CAPN15: variants seen among roughly 807,000 people sequenced by gnomAD.
CAPN15 encodes the protein calpain-15.
A neutral mutation model predicts 97.9 loss-of-function variants in CAPN15; 53 were observed. That is an observed-to-expected ratio of 0.54 (90% CI 0.43 to 0.68). CAPN15 has a LOEUF of 0.68. Among genes scored for constraint, CAPN15 ranks in the 30% least tolerant of loss-of-function variants. The pLI, the probability that CAPN15 is intolerant of heterozygous loss-of-function variation, is 0.00. For missense variants in CAPN15, 1,592 were observed against 1,589.8 expected, an observed-to-expected ratio of 1.00 and a Z score of -0.02; for synonymous variants, 922 against 722.5, an observed-to-expected ratio of 1.28 and a Z score of -4.43.
chr16:548,174 CG>C lies in CAPN15; in HGVS notation c.1342del (p.Ala448ProfsTer4), dbSNP rs1555446059. The C allele has an allele frequency of 3.9e-6, 6 of 1,529,070 alleles. No individual in the cohort carries two copies. The highest frequency in any genetic ancestry group is 1.4e-5 in the African/African-American group (1 of 71,194). The allele number at this position is 1,529,070 out of a possible 1,614,324, so 94.7% of individuals were successfully genotyped here. ...HTPQLLVAQR[R>X]GAAPLRRRES... is the part of the protein sequence containing the mutation. ...GCCTCAGCTCCTGGTGGCCCAGCGG[CG>C]GGGGGCCGCGCCCCTGAGGCGCAGG... On this transcript the variant is annotated frameshift_variant, in exon 4 of 14. Transcript: ENST00000219611. LOFTEE classifies it high-confidence loss of function.
At position 527,747 on chromosome 16, in the gene CAPN15, C is replaced by T. The variant is rs2032948329; in HGVS notation, c.-472C>T. ...CGCGCGATTCACAGCGCCGCGTGCG[C>T]CCCGGGCGCGCCGTAGCCGCGGGGC... On this transcript the variant is annotated 5_prime_UTR_variant, in exon 1 of 14. Coordinates refer to ENST00000219611, the MANE Select transcript of CAPN15 (RefSeq NM_005632.3). The T allele has an allele frequency of 6.7e-6, 1 of 150,304 alleles. No individual in the cohort carries two copies. The highest frequency in any genetic ancestry group is 2.4e-5 in the African/African-American group (1 of 41,194). 9.3% of individuals were successfully genotyped at this position (150,304 alleles called of 1,614,324 possible).
chr16:548,239 G>A lies in CAPN15; in HGVS notation c.1401G>A (p.Glu467=), dbSNP rs1055724513. Residue 467 remains glutamate, a synonymous_variant, in exon 4 of 14, where the codon GAG becomes GAA. Transcript: ENST00000219611. Reference sequence around the variant, plus strand: ...TGGAGCAGCGGCGGCAGACAGACGAGGGCGAGGCCAAGGCACTCTGGGAGA... The same window carrying A: ...TGGAGCAGCGGCGGCAGACAGACGAAGGCGAGGCCAAGGCACTCTGGGAGA... ...MHVEQRRQTD[E]GEAKALWENI... The A allele has an allele frequency of 6.4e-7, 1 of 1,551,308 alleles. No homozygotes were observed. Among genetic ancestry groups the A allele is most frequent in the Non-Finnish European group, 8.7e-7 (1 of 1,150,128 alleles).
chr16:529,952 T>C (rs189745205), intron 1 of CAPN15, among the ~76,000 whole-genome samples: 167 of 152,202 alleles, frequency 1.1e-3, no homozygotes, highest in Non-Finnish European at 7.5e-4. Flanking sequence ...TCTCCTGTTT[T>C]CCTGCTCTGT....
In CAPN15 at chr16:549,486, A is replaced by G. The variant is rs2034837441; in HGVS notation, c.1842+15A>G. 6.7e-7 allele frequency: 1 copy of G among 1,482,902 alleles called. No individual in the cohort carries two copies. 91.9% of individuals were successfully genotyped at this position (1,482,902 alleles called of 1,614,324 possible). On this transcript the variant is annotated intron_variant, in intron 6 of 13. Transcript: ENST00000219611. ...TCTTCTCACAGGTGGGGCGGCCTGC[A>G]GGGTGGGCACGGGCGGCAGGGGCAG...
At chr16:540,430 A>C in intron 3 of CAPN15, 2 of 851,936 alleles carry the variant, frequency 2.3e-6, no homozygotes, top group Non-Finnish European at 2.8e-6. Flanking sequence ...CCTCGTTCTC[A>C]GGGTGCCCCC....
In CAPN15 at chr16:554,371, C is replaced by G. The variant is rs2035304875; in HGVS notation, c.*855C>G. On this transcript the variant is annotated 3_prime_UTR_variant, in exon 14 of 14. Transcript: ENST00000219611. ...TGCGTGCCCTCCTGGCCCCTCACTC[C>G]CGGCAGCGGGCCGGCCTCGCCCCCA... is the stretch of plus-strand genomic sequence containing the variant. 1 of 391,416 alleles carries G rather than the reference C, an allele frequency of 2.6e-6. No individual in the cohort carries two copies. Among genetic ancestry groups the G allele is most frequent in the Non-Finnish European group, 5.1e-6 (1 of 196,904 alleles). The allele number at this position is 391,416 out of a possible 1,614,324, so 24.2% of individuals were successfully genotyped here.
intron 5 of CAPN15, 28 bp downstream of exon 5, chr16:549,229 G>A: frequency 6.5e-7 from 1 of 1,532,066 alleles, no homozygotes; most frequent in Admixed American, 2.0e-5. Context: ...GCCGGGGTGG[G>A]GCGGGTGGGC....
At chr16:536,967 C>A (rs2033778970) in intron 3 of CAPN15, 2 of 224,608 alleles carry the variant, frequency 8.9e-6, no homozygotes, top group Non-Finnish European at 1.5e-5. Context: ...CAGGGCAGGG[C>A]CCCCGGCACC....
rs1567161115 is a variant in CAPN15, at chr16:552,469, T to C, written c.2676T>C (p.Ala892=). The C allele has an allele frequency of 6.2e-7, 1 of 1,609,236 alleles. No homozygotes were observed. The highest frequency in any genetic ancestry group is 1.7e-5 in the Admixed American group (1 of 59,970). Reference sequence around the variant, plus strand: ...TCATGCTGGAGCCTGGCGAGTACGCTGTGGTGTGCTGCGCCTTCAACCACT... The same window carrying C: ...TCATGCTGGAGCCTGGCGAGTACGCCGTGGTGTGCTGCGCCTTCAACCACT... ...CDVMLEPGEY[A]VVCCAFNHWG... is the part of the protein sequence containing the mutation. Residue 892 remains alanine (A), a synonymous_variant, in exon 11 of 14, where the codon GCT becomes GCC. Transcript: ENST00000219611. This position sits in a 1 kb window ranked among gnomAD's most constrained non-coding sequence, Gnocchi z 6.4.
rs747814239 is a variant in CAPN15 at position 551,487 on chromosome 16, A to C, written c.2193-25A>C. 11 of 1,603,498 alleles carry C rather than the reference A, an allele frequency of 6.9e-6. No individual in the cohort carries two copies. In the Admixed American group the frequency reaches 1.7e-4, roughly 24 times the overall value. ...CGGTGAGACTCGGGCAGTGTGGTTC[A>C]GATCCTCACCCCTGTGGTCTGCAGG... On this transcript the variant is annotated intron_variant, in intron 8 of 13. Transcript: ENST00000219611.
At chr16:536,664 T>G (rs969192654) in intron 3 of CAPN15, among the ~76,000 whole-genome samples, 1 of 152,146 alleles carries the variant, frequency 6.6e-6, no homozygotes, top group Non-Finnish European at 1.5e-5. Context: ...GACCTCGTGA[T>G]CCACCCACCT....
In CAPN15 at chr16:547,397, G is replaced by C; in HGVS notation, c.559G>C (p.Val187Leu). The change falls in exon 4 of 14, where the codon GTG becomes CTG. Residue 187 changes from valine to leucine, a missense_variant. This residue lies in a region of CAPN15 where 883 missense variants were observed against 776.6 expected (regional missense o/e 1.14). Coordinates refer to ENST00000219611, the MANE Select transcript of CAPN15 (RefSeq NM_005632.3). ...IPPEALVVPEVVAPAGFHVVP... is the reference protein window; with the variant it reads ...IPPEALVVPELVAPAGFHVVP... ...TCCTGAGGCCCTGGTGGTCCCGGAA[G>C]TGGTGGCCCCGGCCGGCTTCCACGT... 2 of 1,564,624 alleles carry C rather than the reference G, an allele frequency of 1.3e-6. No homozygotes were observed. The highest frequency in any genetic ancestry group is 8.6e-7 in the Non-Finnish European group (1 of 1,162,634).
chr16:551,576 C>T lies in CAPN15; in HGVS notation c.2257C>T (p.Pro753Ser), dbSNP rs2142073626. The T allele has an allele frequency of 1.2e-6, 2 of 1,611,144 alleles. No homozygotes were observed. Among genetic ancestry groups the T allele is most frequent in the South Asian group, 1.1e-5 (1 of 91,078 alleles). Residue 753 changes from proline to serine, a missense_variant, in exon 9 of 14, where the codon CCA becomes TCA. Coordinates refer to ENST00000219611, the MANE Select transcript of CAPN15 (RefSeq NM_005632.3). ...SWNGSWSDEW[P>S]HWPGHLRGEL... is the part of the protein sequence containing the mutation. ...GAACGGCAGCTGGTCCGACGAGTGG[C>T]CACACTGGCCGGGGCACCTGCGTGG...
chr16:541,637 G>A (rs944970182), intron 3 of CAPN15, among the ~76,000 whole-genome samples: 6 of 152,254 alleles, frequency 3.9e-5, no homozygotes, highest in African/African-American at 1.4e-4. Context: ...CCTGTTAAAA[G>A]AGTGCAGTTT....
intron 7 of CAPN15, among the ~76,000 whole-genome samples, chr16:550,090 G>A (rs1021545595): frequency 1.3e-4 from 17 of 131,648 alleles, no homozygotes; most frequent in African/African-American, 4.5e-4. Flanking sequence ...CCGTCACCCC[G>A]GAGCAGGTGT....
Position 549,751 on chromosome 16 carries a change from C to T in CAPN15, c.1979C>T (p.Ala660Val), listed in dbSNP as rs1439483075. 18 of 1,588,826 alleles carry T rather than the reference C, an allele frequency of 1.1e-5. No homozygotes were observed. Among genetic ancestry groups the T allele is most frequent in the East Asian group, 2.3e-5 (1 of 43,142 alleles). The change falls in exon 7 of 14, where the codon GCG (alanine) becomes GTG (valine). Residue 660 changes from alanine (A) to valine (V), a missense_variant. By Grantham distance (64) the Ala-to-Val change is moderately conservative. Transcript: ENST00000219611. ...ACCGGCGCCCCCTGTGAGAGCCTGG[C>T]GCTGCAGCTCAGCTCCACTAACCCC... ...TLTGAPCESLALQLSSTNPRE... is the reference protein window; with the variant it reads ...TLTGAPCESLVLQLSSTNPRE...
At chr16:549,887 G>C (rs2142054574) in intron 7 of CAPN15, 49 bp downstream of exon 7, 2 of 1,434,254 alleles carry the variant, frequency 1.4e-6, no homozygotes. Flanking sequence ...GGAGAGGCGA[G>C]GCGGAGCGGT....
At chr16:534,233 G>T (rs2033522518) in intron 2 of CAPN15, among the ~76,000 whole-genome samples, 1 of 146,734 alleles carries the variant, frequency 6.8e-6, no homozygotes, top group African/African-American at 2.8e-5. Flanking sequence ...GGTCCCGACA[G>T]GGGTGTTTGT....
intron 1 of CAPN15, among the ~76,000 whole-genome samples, chr16:530,099 T>G (rs993676001): frequency 6.6e-6 from 1 of 152,188 alleles, no homozygotes; most frequent in Admixed American, 6.5e-5. Flanking sequence ...CACCAGGCTG[T>G]GCCTCAGCTG....
Sources: gnomAD v4.1 joint callset for allele counts (sites outside exome capture counted in the v4.1 genomes callset) on GRCh38, gnomAD v4.1.1 for gene constraint, gnomAD v4.1.1 regional missense constraint, Gnocchi (gnomAD v3.1) non-coding constraint, MANE v1.5 for transcripts, NCBI Gene and HGNC (gene_info 2026-07-23, HGNC 2026-07-21) for gene names.